Variants in TEKT5 observed in about 807,000 individuals in gnomAD.
TEKT5 encodes the protein tektin-5.
TEKT5 carries 52 observed loss-of-function variants against 48.7 expected under a neutral mutation model. The observed-to-expected ratio is 1.07, with a 90% CI of 0.86 to 1.35. The LOEUF (loss-of-function observed/expected upper bound fraction) is 1.35. Ranked by LOEUF, TEKT5 falls within the 40% of genes most tolerant of loss-of-function variation. The pLI is 0.00. For synonymous variants in TEKT5, 318 were observed against 267.6 expected, an observed-to-expected ratio of 1.19 and a Z score of -1.84; for missense variants, 831 against 641.6, an observed-to-expected ratio of 1.30 and a Z score of -3.19.
intron 5 of TEKT5, among the ~76,000 whole-genome samples, chr16:10,658,956 G>A (rs1041498120): frequency 2.0e-5 from 3 of 152,112 alleles, no homozygotes; most frequent in African/African-American, 7.2e-5. Context: ...GGCCTCAAGT[G>A]ATCCACCCAC....
chr16:10,643,934 C>T (rs139878881), intron 5 of TEKT5, among the ~76,000 whole-genome samples: 28 of 152,024 alleles, frequency 1.8e-4, no homozygotes, highest in African/African-American at 4.8e-4. Flanking sequence ...CCCAACTACG[C>T]GGGAGGCTGA....
rs1044157144 is a variant in TEKT5 at position 10,638,801 on chromosome 16, C to T, written c.1087-2883G>A. On this transcript the variant is annotated intron_variant, in intron 5 of 6. Transcript: ENST00000283025. ...TGAAGAGGATAATTCAAAGAAACAA[C>T]CAGTGAAGCCTTACTTGAAAGATTC... is the stretch of plus-strand genomic sequence containing the variant. 5.9e-5 allele frequency among the ~76,000 whole-genome samples: 9 copies of T among 152,292 alleles called. No individual in the cohort carries two copies. The Middle Eastern group carries it at 0.014, about 230-fold the overall frequency.
chr16:10,689,141 A>C (rs1349762202), intron 3 of TEKT5, 112 bp downstream of exon 3: 1 of 766,100 alleles, frequency 1.3e-6, no homozygotes, highest in Non-Finnish European at 2.1e-6. Context: ...CATACCACTG[A>C]CCAAAAGAAC....
At chr16:10,635,708 T>G (rs1216476087) in intron 6 of TEKT5, 56 bp downstream of exon 6, 9 of 1,581,626 alleles carry the variant, frequency 5.7e-6, no homozygotes, top group Non-Finnish European at 6.9e-6. Flanking sequence ...GACTCACCCC[T>G]TCCCGTTCCT....
intron 5 of TEKT5, among the ~76,000 whole-genome samples, chr16:10,662,322 T>C (rs972335758): frequency 2.6e-5 from 4 of 152,190 alleles, no homozygotes; most frequent in African/African-American, 9.7e-5. Flanking sequence ...CTATTACTGT[T>C]GTCATAAGGC....
At chr16:10,631,314 G>A (rs1440112359) in intron 6 of TEKT5, among the ~76,000 whole-genome samples, 2 of 142,772 alleles carry the variant, frequency 1.4e-5, no homozygotes, top group African/African-American at 5.3e-5. Context: ...AAATTAAAGG[G>A]CTTGGGTTTG....
chr16:10,694,852 G>C lies in TEKT5; in HGVS notation c.22C>G (p.Gln8Glu). ...TTGGGACCACAGTAACTGGCGGTCT[G>C]AGTAGTCCCAAGAAACTCCATCCTC... The part of the protein sequence containing the change: MEFLGTT[Q>E]TASYCGPKKC... The change falls in exon 1 of 7, where the codon CAG (glutamine) becomes GAG (glutamate). Residue 8 changes from glutamine (Q) to glutamate (E), a missense_variant. Transcript: ENST00000283025. The C allele has an allele frequency of 6.4e-7, 1 of 1,572,310 alleles. No homozygotes were observed. The highest frequency in any genetic ancestry group is 8.6e-7 in the Non-Finnish European group (1 of 1,162,148).
rs146947049 is a variant in TEKT5, at chr16:10,682,115, G to A, written c.741C>T (p.His247=). ...TGTCTTCGAGGTCCCTCTCCAGCACGTGCTGAGCATCCCGGTTATCCCTGC... is the reference window on the plus strand; with the variant it reads ...TGTCTTCGAGGTCCCTCTCCAGCACATGCTGAGCATCCCGGTTATCCCTGC... ...IQMRDNRDAQ[H]VLERDLEDKS... Residue 247 remains histidine (H), a synonymous_variant, in exon 4 of 7, where the codon CAC becomes CAT. Coordinates refer to ENST00000283025, the MANE Select transcript of TEKT5 (RefSeq NM_144674.2). The A allele has an allele frequency of 1.1e-3, 1,767 of 1,614,104 alleles. 8 individuals are homozygous for A. Among genetic ancestry groups the A allele is most frequent in the South Asian group, 1.3e-3 (114 of 91,082 alleles).
At chr16:10,657,431 A>G (rs778435893) in intron 5 of TEKT5, among the ~76,000 whole-genome samples, 1 of 151,926 alleles carries the variant, frequency 6.6e-6, no homozygotes, top group Non-Finnish European at 1.5e-5. Flanking sequence ...CCCGGCCTAG[A>G]GCTGCTTTTA....
At chr16:10,628,780 C>T (rs568639155) in intron 6 of TEKT5, among the ~76,000 whole-genome samples, 87 of 151,992 alleles carry the variant, frequency 5.7e-4, no homozygotes, top group Admixed American at 1.3e-3. Flanking sequence ...ATGGTGGGTG[C>T]CTGTAATCCC....
chr16:10,689,479 C>T (rs571969513), intron 2 of TEKT5, among the ~76,000 whole-genome samples, 156 bp from the exon 3 acceptor site: 1 of 151,588 alleles, frequency 6.6e-6, no homozygotes, highest in South Asian at 2.1e-4. Context: ...ATCCACGTGA[C>T]CCCAGGGCCA....
chr16:10,630,135 T>C (rs1440900352), intron 6 of TEKT5, among the ~76,000 whole-genome samples: 1 of 152,100 alleles, frequency 6.6e-6, no homozygotes, highest in East Asian at 1.9e-4. Context: ...GGTTTCACCA[T>C]GTTGCCCAGG....
chr16:10,652,456 A>ACACACACACAC (rs1898175160), intron 5 of TEKT5, among the ~76,000 whole-genome samples: 2 of 100,684 alleles, frequency 2.0e-5, no homozygotes, highest in African/African-American at 7.8e-5. Context: ...AGGCAAACAC[A>ACACACACACAC]CACACACACA....
At chr16:10,639,764 C>A (rs559552749) in intron 5 of TEKT5, among the ~76,000 whole-genome samples, 11 of 152,362 alleles carry the variant, frequency 7.2e-5, no homozygotes, top group African/African-American at 2.4e-4. Flanking sequence ...CACTAACACA[C>A]CTCAGACAGA....
At position 10,690,254 on chromosome 16, in the gene TEKT5, A is replaced by G. The variant is rs1673258787; in HGVS notation, c.565-229T>C. 1.1e-5 allele frequency: 6 copies of G among 542,786 alleles called. No homozygotes were observed. The East Asian group carries it at 1.8e-4, about 16-fold the overall frequency. The allele number at this position is 542,786 out of a possible 1,614,324, so 33.6% of individuals were successfully genotyped here. On this transcript the variant is annotated intron_variant, in intron 1 of 6. Coordinates refer to ENST00000283025, the MANE Select transcript of TEKT5 (RefSeq NM_144674.2). ...GCATCCGGAGATGCAAGGCCCATGT[A>G]GAGAAAACAGGATAAAGTAGCATCC...
At chr16:10,659,623 A>T (rs71381167) in intron 5 of TEKT5, among the ~76,000 whole-genome samples, 9,436 of 152,264 alleles carry the variant, frequency 0.062, 440 homozygotes, top group East Asian at 0.23. Flanking sequence ...AACCTCCCAA[A>T]GTGCTGGGAT....
intron 3 of TEKT5, among the ~76,000 whole-genome samples, chr16:10,683,006 G>C (rs553774392): frequency 1.3e-5 from 2 of 152,292 alleles, no homozygotes; most frequent in African/African-American, 2.4e-5. Flanking sequence ...TCACAGATTT[G>C]TGTGAACAAA....
At chr16:10,692,165 T>C (rs906010939) in intron 1 of TEKT5, among the ~76,000 whole-genome samples, 1 of 152,012 alleles carries the variant, frequency 6.6e-6, no homozygotes, top group Admixed American at 6.6e-5. Context: ...GAAAGCCAAA[T>C]GTGACCAGGC....
intron 3 of TEKT5, among the ~76,000 whole-genome samples, chr16:10,685,697 C>G (rs1321790608): frequency 6.6e-6 from 1 of 152,104 alleles, no homozygotes; most frequent in Non-Finnish European, 1.5e-5. Flanking sequence ...TGACTCTGTG[C>G]CTCTCTGTCC....
Sources: allele counts gnomAD v4.1 joint callset (sites outside exome capture counted in the v4.1 genomes callset), GRCh38; gene constraint gnomAD v4.1.1; transcripts MANE v1.5; gene names NCBI Gene and HGNC (gene_info 2026-07-23, HGNC 2026-07-21).